Variants in XYLT1 observed in about 807,000 individuals in gnomAD.
XYLT1 encodes the protein beta-D-xylosyltransferase 1.
In XYLT1, 36 loss-of-function variants were observed where a neutral mutation model predicts 91.3. That is an observed-to-expected ratio of 0.39 (90% confidence interval 0.30 to 0.52). The LOEUF is 0.52. XYLT1 is among the 20% of genes least tolerant of loss of function. The probability of loss-of-function intolerance (pLI) is 0.68; values close to 1 mark genes in which losing one functional copy is unlikely to be tolerated. For missense variants in XYLT1, 1,242 were observed against 1,284.5 expected (o/e 0.97, Z 0.51); for synonymous variants, 588 against 532.0 (o/e 1.11, Z -1.45).
chr16:17,259,882 C>T (rs532117433), intron 2 of XYLT1, among the ~76,000 whole-genome samples: 5 of 152,142 alleles, frequency 3.3e-5, no homozygotes, highest in Non-Finnish European at 5.9e-5. Context: ...TACTTAAGGG[C>T]TGGAAATGAT....
chr16:17,447,869 T>G, intron 1 of XYLT1, among the ~76,000 whole-genome samples: 1 of 152,176 alleles, frequency 6.6e-6, no homozygotes. Flanking sequence ...ATGAGGCATT[T>G]AAAAAACACC....
intron 2 of XYLT1, among the ~76,000 whole-genome samples, chr16:17,310,476 G>A (rs1223177199): frequency 6.6e-6 from 1 of 152,156 alleles, no homozygotes; most frequent in Non-Finnish European, 1.5e-5. Context: ...CTGAGAGCAG[G>A]AATTGCATCT....
intron 2 of XYLT1, among the ~76,000 whole-genome samples, chr16:17,322,290 C>A (rs181072956): frequency 2.0e-5 from 3 of 152,298 alleles, no homozygotes; most frequent in South Asian, 2.1e-4. Flanking sequence ...CCAGCTCACA[C>A]CTCCTAAGCC....
At chr16:17,418,206 T>G (rs903074100) in intron 1 of XYLT1, among the ~76,000 whole-genome samples, 3 of 152,226 alleles carry the variant, frequency 2.0e-5, no homozygotes, top group Non-Finnish European at 4.4e-5. Context: ...CCCTGTAAGA[T>G]CCAGCATAAT....
chr16:17,393,260 G>T (rs1446310176), intron 1 of XYLT1, among the ~76,000 whole-genome samples: 1 of 152,174 alleles, frequency 6.6e-6, no homozygotes, highest in Non-Finnish European at 1.5e-5. Flanking sequence ...TGGATCTGAA[G>T]GTGATGGTGT....
chr16:17,342,140 G>A lies in XYLT1; in HGVS notation c.402+15872C>T, dbSNP rs560965245. Among the ~76,000 whole-genome samples, 8 of 152,214 alleles carry A rather than the reference G, an allele frequency of 5.3e-5. No individual in the cohort carries two copies. In the South Asian group the frequency reaches 1.0e-3, roughly 20 times the overall value. On this transcript the variant is annotated intron_variant, in intron 2 of 11. Coordinates refer to ENST00000261381, the MANE Select transcript of XYLT1 (RefSeq NM_022166.4). ...CTAATGATCTAGCTTCACCTCCACC[G>A]CCCCTCTCTCCCTTACTCATGCTGT...
At chr16:17,334,190 T>C (rs1046277837) in intron 2 of XYLT1, among the ~76,000 whole-genome samples, 3 of 152,166 alleles carry the variant, frequency 2.0e-5, no homozygotes, top group African/African-American at 4.8e-5. Context: ...GAGCAATACA[T>C]TTCTGTTGCC....
intron 1 of XYLT1, among the ~76,000 whole-genome samples, chr16:17,364,917 T>C (rs1027917827): frequency 1.3e-5 from 2 of 152,182 alleles, no homozygotes; most frequent in Non-Finnish European, 2.9e-5. Flanking sequence ...TGAAACACCC[T>C]TGGGGGATTC....
intron 2 of XYLT1, among the ~76,000 whole-genome samples, chr16:17,290,913 A>G (rs1359326076): frequency 6.6e-6 from 1 of 152,208 alleles, no homozygotes. Flanking sequence ...GATCCTCCTC[A>G]GGCCACCTGA....
At chr16:17,459,418 T>C (rs2036786158) in intron 1 of XYLT1, among the ~76,000 whole-genome samples, 1 of 152,190 alleles carries the variant, frequency 6.6e-6, no homozygotes, top group Non-Finnish European at 1.5e-5. Flanking sequence ...GTTGTACAGA[T>C]ACGAATAGTA....
intron 1 of XYLT1, among the ~76,000 whole-genome samples, chr16:17,407,357 A>T (rs1468320324): frequency 6.6e-6 from 1 of 152,214 alleles, no homozygotes; most frequent in African/African-American, 2.4e-5. Context: ...GGTATAACAC[A>T]GCGTTATTTT....
intron 2 of XYLT1, among the ~76,000 whole-genome samples, chr16:17,335,888 A>G (rs1567380083): frequency 6.6e-6 from 1 of 152,228 alleles, no homozygotes; most frequent in Non-Finnish European, 1.5e-5. Context: ...CTATAAATGG[A>G]AGGTAACTAG....
At chr16:17,145,824 C>A (rs755754271) in intron 6 of XYLT1, among the ~76,000 whole-genome samples, 11 of 152,260 alleles carry the variant, frequency 7.2e-5, no homozygotes, top group African/African-American at 1.2e-4. Flanking sequence ...AATGCTTCCT[C>A]TTCCACTGAG....
intron 2 of XYLT1, among the ~76,000 whole-genome samples, chr16:17,304,572 C>A (rs2034444810): frequency 6.6e-6 from 1 of 152,172 alleles, no homozygotes; most frequent in South Asian, 2.1e-4. Context: ...AAATAGCTGA[C>A]ATGTTTTCTT....
intron 2 of XYLT1, among the ~76,000 whole-genome samples, chr16:17,272,054 G>T (rs1003054359): frequency 6.6e-6 from 1 of 151,900 alleles, no homozygotes; most frequent in Non-Finnish European, 1.5e-5. Context: ...TAGGGTTCCC[G>T]CTAGGGAAGG....
At chr16:17,324,517 A>T (rs2034770800) in intron 2 of XYLT1, among the ~76,000 whole-genome samples, 1 of 152,246 alleles carries the variant, frequency 6.6e-6, no homozygotes, top group South Asian at 2.1e-4. Flanking sequence ...AGCATTAAAA[A>T]TAAAAGATTG....
chr16:17,329,663 T>G (rs2034866310), intron 2 of XYLT1, among the ~76,000 whole-genome samples: 1 of 152,166 alleles, frequency 6.6e-6, no homozygotes, highest in African/African-American at 2.4e-5. Context: ...GGGAATTACG[T>G]GCTCCAAACC....
intron 2 of XYLT1, among the ~76,000 whole-genome samples, chr16:17,305,406 T>A (rs911383494): frequency 7.2e-6 from 1 of 139,742 alleles, no homozygotes; most frequent in Non-Finnish European, 1.5e-5. Flanking sequence ...ACAGAATACC[T>A]TCTTCTTCTT....
chr16:17,217,219 G>A (rs1288546309), intron 3 of XYLT1, among the ~76,000 whole-genome samples: 1 of 152,190 alleles, frequency 6.6e-6, no homozygotes, highest in Non-Finnish European at 1.5e-5. Flanking sequence ...CACTTGGGGA[G>A]CTGCAGTTCC....
Sources: gnomAD v4.1 joint callset for allele counts (sites outside exome capture counted in the v4.1 genomes callset) on GRCh38, gnomAD v4.1.1 for gene constraint, MANE v1.5 for transcripts, NCBI Gene and HGNC (gene_info 2026-07-23, HGNC 2026-07-21) for gene names.